CPQ: variants seen among roughly 807,000 people sequenced by gnomAD.
The protein encoded by CPQ is carboxypeptidase Q.
A neutral mutation model predicts 45.7 loss-of-function variants in CPQ; 37 were observed. The observed-to-expected ratio is 0.81, with a 90% CI of 0.62 to 1.07. The LOEUF (loss-of-function observed/expected upper bound fraction) is 1.07. Among genes scored for constraint, CPQ ranks in the 50% least tolerant of loss-of-function variants. CPQ has a pLI of 0.00. For synonymous variants in CPQ, 186 were observed against 205.8 expected, an observed-to-expected ratio of 0.90 and a Z score of 0.82; for missense variants, 537 against 572.9, an observed-to-expected ratio of 0.94 and a Z score of 0.64.
intron 5 of CPQ, among the ~76,000 whole-genome samples, chr8:96,982,089 T>C (rs988600362): frequency 1.3e-5 from 2 of 152,168 alleles, no homozygotes; most frequent in African/African-American, 2.4e-5. Flanking sequence ...CTAATGGTGA[T>C]CATCTCATGG....
chr8:96,896,519 C>A (rs1812444967), intron 4 of CPQ, among the ~76,000 whole-genome samples: 1 of 152,024 alleles, frequency 6.6e-6, no homozygotes, highest in South Asian at 2.1e-4. Flanking sequence ...CCTACTCAGT[C>A]TTTTTTCATT....
intron 2 of CPQ, among the ~76,000 whole-genome samples, chr8:96,814,736 G>A (rs950614724): frequency 2.0e-5 from 3 of 152,150 alleles, no homozygotes; most frequent in African/African-American, 7.2e-5. Context: ...ATCAGGTGAA[G>A]CACTGCATGC....
intron 7 of CPQ, among the ~76,000 whole-genome samples, chr8:97,098,865 C>T (rs1811253301): frequency 6.6e-6 from 1 of 152,066 alleles, no homozygotes; most frequent in Non-Finnish European, 1.5e-5. Flanking sequence ...TAGAATTCTA[C>T]AATAGCCTGA....
At chr8:96,813,707 G>A (rs1478485842) in intron 2 of CPQ, among the ~76,000 whole-genome samples, 5 of 152,068 alleles carry the variant, frequency 3.3e-5, no homozygotes, top group African/African-American at 1.2e-4. Context: ...GAATGGGTGG[G>A]AAAATGGCAG....
chr8:96,712,690 A>G (rs1040498846), intron 1 of CPQ, among the ~76,000 whole-genome samples: 6 of 152,154 alleles, frequency 3.9e-5, no homozygotes, highest in African/African-American at 1.4e-4. Flanking sequence ...TGCATAGAGC[A>G]TGGGGGCCCT....
intron 1 of CPQ, among the ~76,000 whole-genome samples, chr8:96,654,550 G>C (rs1329230261): frequency 6.6e-6 from 1 of 151,676 alleles, no homozygotes. Context: ...CCCTAATCTA[G>C]AGGATGATTA....
intron 5 of CPQ, among the ~76,000 whole-genome samples, chr8:96,966,435 G>A (rs554804444): frequency 6.6e-5 from 10 of 152,264 alleles, no homozygotes; most frequent in South Asian, 4.2e-4. Context: ...AAGGCTGGTC[G>A]TCTTTCCATC....
intron 1 of CPQ, among the ~76,000 whole-genome samples, chr8:96,659,484 G>A (rs1024630326): frequency 2.6e-5 from 4 of 152,106 alleles, no homozygotes; most frequent in South Asian, 2.1e-4. Flanking sequence ...GCTGACTTCC[G>A]AGTTCTTTAC....
At chr8:96,768,034 T>C (rs1198704874) in intron 1 of CPQ, among the ~76,000 whole-genome samples, 2 of 152,138 alleles carry the variant, frequency 1.3e-5, no homozygotes, top group Non-Finnish European at 2.9e-5. Flanking sequence ...ACTCCAAATT[T>C]GTCTCTTTCC....
intron 5 of CPQ, among the ~76,000 whole-genome samples, chr8:96,976,266 A>C (rs974421999): frequency 6.6e-5 from 10 of 150,838 alleles, no homozygotes; most frequent in Non-Finnish European, 1.0e-4. Flanking sequence ...AAAAAAAAAA[A>C]AAAAAACCTT....
intron 3 of CPQ, among the ~76,000 whole-genome samples, chr8:96,878,298 G>T (rs1016147649): frequency 4.6e-5 from 7 of 152,138 alleles, no homozygotes; most frequent in Non-Finnish European, 8.8e-5. Flanking sequence ...TTCATAGAGG[G>T]TATACTCAGA....
chr8:96,713,862 G>C (rs955958446), intron 1 of CPQ, among the ~76,000 whole-genome samples: 2 of 152,152 alleles, frequency 1.3e-5, no homozygotes, highest in African/African-American at 4.8e-5. Flanking sequence ...TCAGAATTTG[G>C]TTGTTTGAAA....
At chr8:96,750,282 AT>A (rs1187215929) in intron 1 of CPQ, among the ~76,000 whole-genome samples, 7 of 151,868 alleles carry the variant, frequency 4.6e-5, no homozygotes, top group African/African-American at 1.4e-4. Context: ...TTCAAACTAT[AT>A]TTTTCAAAAT....
chr8:97,052,318 T>C (rs898554270), intron 6 of CPQ, among the ~76,000 whole-genome samples: 6 of 152,180 alleles, frequency 3.9e-5, no homozygotes, highest in Non-Finnish European at 8.8e-5. Context: ...TTAACTCTTC[T>C]CAAAGCTAAA....
chr8:96,780,663 G>A (rs908746627), intron 1 of CPQ, among the ~76,000 whole-genome samples: 2 of 149,054 alleles, frequency 1.3e-5, no homozygotes, highest in African/African-American at 4.9e-5. Flanking sequence ...ATTTCAATTT[G>A]TCTTCCTTCC....
intron 7 of CPQ, among the ~76,000 whole-genome samples, chr8:97,079,963 A>C (rs561855498): frequency 6.6e-6 from 1 of 152,264 alleles, no homozygotes; most frequent in East Asian, 1.9e-4. Context: ...GGACAGCTAG[A>C]AACTTTTGAA....
chr8:96,923,754 A>G (rs1168858306), intron 4 of CPQ, among the ~76,000 whole-genome samples: 1 of 152,202 alleles, frequency 6.6e-6, no homozygotes, highest in Non-Finnish European at 1.5e-5. Flanking sequence ...CAAGTAGTTT[A>G]TTTGTTAGGT....
intron 4 of CPQ, among the ~76,000 whole-genome samples, chr8:96,961,095 T>C (rs1169195669): frequency 1.3e-5 from 2 of 152,254 alleles, no homozygotes; most frequent in Non-Finnish European, 2.9e-5. Flanking sequence ...AATGCCCATA[T>C]GTTCAACTTT....
chr8:96,745,549 A>G (rs1810168602), intron 1 of CPQ, among the ~76,000 whole-genome samples: 1 of 152,200 alleles, frequency 6.6e-6, no homozygotes, highest in Non-Finnish European at 1.5e-5. Context: ...AATTCATACA[A>G]CAAACCACTG....
Sources: allele counts gnomAD v4.1 joint callset (sites outside exome capture counted in the v4.1 genomes callset), GRCh38; gene constraint gnomAD v4.1.1; transcripts MANE v1.5; gene names NCBI Gene and HGNC (gene_info 2026-07-23, HGNC 2026-07-21).